The following RBFOX3 variants were observed in gnomAD, a reference collection of about 807,000 sequenced individuals.
The protein encoded by RBFOX3 is RNA binding fox-1 homolog 3, also known as RNA binding protein fox-1 homolog 3.
A neutral mutation model predicts 48.7 loss-of-function variants in RBFOX3; 17 were observed. The ratio of observed to expected loss-of-function variants is 0.35; its 90% CI spans 0.24 to 0.52. The LOEUF (loss-of-function observed/expected upper bound fraction) is 0.52. RBFOX3 is among the 20% of genes least tolerant of loss of function. The pLI is 0.94. For synonymous variants in RBFOX3, 212 were observed against 209.5 expected, an observed-to-expected ratio of 1.01 and a Z score of -0.10; for missense variants, 382 against 497.5, an observed-to-expected ratio of 0.77 and a Z score of 2.21.
intron 2 of RBFOX3, among the ~76,000 whole-genome samples, chr17:79,440,793 C>T (rs190848328): frequency 6.6e-6 from 1 of 152,194 alleles, no homozygotes; most frequent in East Asian, 1.9e-4. Flanking sequence ...GGCCCCCCTG[C>T]ACCCCCTCAT....
Position 79,587,822 on chromosome 17 carries a change from C to T in RBFOX3, c.-320+23004G>A, listed in dbSNP as rs1000906483. On this transcript the variant is annotated intron_variant, in intron 1 of 14. Coordinates refer to ENST00000693108, the MANE Select transcript of RBFOX3 (RefSeq NM_001350451.2). ...CGGGGAAGCAGACGGAGCTACTTCA[C>T]GGGAGGACGGAACATTTGAGTTGGG... is the stretch of plus-strand genomic sequence containing the variant. Among the ~76,000 whole-genome samples, 36 of 152,260 alleles carry T rather than the reference C, an allele frequency of 2.4e-4. No individual in the cohort carries two copies. In the East Asian group the frequency reaches 4.3e-3, roughly 18 times the overall value.
At chr17:79,514,892 T>C (rs2085024795) in intron 1 of RBFOX3, among the ~76,000 whole-genome samples, 1 of 152,192 alleles carries the variant, frequency 6.6e-6, no homozygotes, top group Non-Finnish European at 1.5e-5. Flanking sequence ...TCTTGGGACT[T>C]GGTGGGACAG....
At chr17:79,378,137 C>T (rs954329843) in intron 2 of RBFOX3, among the ~76,000 whole-genome samples, 2 of 152,126 alleles carry the variant, frequency 1.3e-5, no homozygotes, top group African/African-American at 4.8e-5. Flanking sequence ...ATAGGGGGGG[C>T]GCATCAGGGG....
chr17:79,373,961 C>G (rs918439991), intron 2 of RBFOX3, among the ~76,000 whole-genome samples: 12 of 152,154 alleles, frequency 7.9e-5, no homozygotes, highest in Admixed American at 7.9e-4. Flanking sequence ...AGGGTTCAAG[C>G]GATTCTCCTG....
Position 79,214,447 on chromosome 17 carries a change from C to A in RBFOX3, c.-34+21319G>T, listed in dbSNP as rs1168359265. Reference sequence around the variant, plus strand: ...TCTTCTTGAGAAAAGTGATGCAAAGCCCTTTGGATCAGTGTGACTGGGAGG... The same window carrying A: ...TCTTCTTGAGAAAAGTGATGCAAAGACCTTTGGATCAGTGTGACTGGGAGG... On this transcript the variant is annotated intron_variant, in intron 4 of 14. Transcript: ENST00000693108. The surrounding 1 kb of genome is among the most constrained non-coding windows in gnomAD (Gnocchi z 4.7). Among the ~76,000 whole-genome samples the A allele has an allele frequency of 6.6e-6, 1 of 152,128 alleles. No homozygotes were observed. Among genetic ancestry groups the A allele is most frequent in the Non-Finnish European group, 1.5e-5 (1 of 68,030 alleles).
At position 79,327,149 on chromosome 17, in the gene RBFOX3, C is replaced by T. The variant is rs148441482; in HGVS notation, c.-174-19325G>A. On this transcript the variant is annotated intron_variant, in intron 2 of 14. Coordinates refer to ENST00000693108, the MANE Select transcript of RBFOX3 (RefSeq NM_001350451.2). ...GGCTGGGTACCCCCCACACCTTCCC[C>T]ACAAGGCTCTCCCTCTGTGGTTCCA... is the stretch of plus-strand genomic sequence containing the variant. 2.0e-5 allele frequency among the ~76,000 whole-genome samples: 3 copies of T among 152,380 alleles called. No homozygotes were observed. The East Asian group carries it at 5.8e-4, about 29-fold the overall frequency.
At chr17:79,515,304 G>A (rs1465518039) in intron 1 of RBFOX3, among the ~76,000 whole-genome samples, 2 of 152,154 alleles carry the variant, frequency 1.3e-5, no homozygotes, top group Admixed American at 6.5e-5. Flanking sequence ...GGTGTGCAGT[G>A]CCCAGCCTAC....
chr17:79,372,673 A>AGGGGC (rs1403693087), intron 2 of RBFOX3, among the ~76,000 whole-genome samples: 2 of 152,056 alleles, frequency 1.3e-5, no homozygotes, highest in African/African-American at 4.8e-5. Context: ...CCCCACCCAC[A>AGGGGC]GGGGCAGGGC....
chr17:79,225,970 G>A (rs1250251306), intron 4 of RBFOX3, among the ~76,000 whole-genome samples: 1 of 152,098 alleles, frequency 6.6e-6, no homozygotes, highest in Non-Finnish European at 1.5e-5. Context: ...AGAGGAGGGG[G>A]CTGCAGTGTT....
In RBFOX3 at chr17:79,371,031, C is replaced by T. The variant is rs576463070; in HGVS notation, c.-174-63207G>A. On this transcript the variant is annotated intron_variant, in intron 2 of 14. Transcript: ENST00000693108. ...GTTAGGGAGGGAAGGGGGACATGCACGGCAGGGGACTTGGGGAGGCATGCA... is the reference window on the plus strand; with the variant it reads ...GTTAGGGAGGGAAGGGGGACATGCATGGCAGGGGACTTGGGGAGGCATGCA... 1.2e-4 allele frequency among the ~76,000 whole-genome samples: 19 copies of T among 152,200 alleles called. No homozygotes were observed. In the South Asian group the frequency reaches 2.1e-3, roughly 17 times the overall value.
chr17:79,335,309 A>G (rs1354737152), intron 2 of RBFOX3, among the ~76,000 whole-genome samples: 1 of 152,160 alleles, frequency 6.6e-6, no homozygotes, highest in Non-Finnish European at 1.5e-5. Flanking sequence ...AGTCTGGGGG[A>G]CCTGCATGTG....
intron 4 of RBFOX3, among the ~76,000 whole-genome samples, chr17:79,121,192 C>T (rs963943852): frequency 6.6e-6 from 1 of 152,158 alleles, no homozygotes; most frequent in Admixed American, 6.5e-5. Context: ...GAGCATCGTG[C>T]TCCCAGACAT....
At chr17:79,653,659 C>T in the RBFOX3 span, among the ~76,000 whole-genome samples, 5 of 152,130 alleles carry the variant, frequency 3.3e-5, no homozygotes, top group African/African-American at 1.2e-4. Context: ...GAAGAAACAG[C>T]TAGCAGTAGA....
chr17:79,640,872 A>G, the RBFOX3 span, among the ~76,000 whole-genome samples: 90 of 152,298 alleles, frequency 5.9e-4, no homozygotes, highest in African/African-American at 2.1e-3. Flanking sequence ...CATAGGGAAA[A>G]AAACTTCTTA....
intron 2 of RBFOX3, among the ~76,000 whole-genome samples, chr17:79,346,796 T>G (rs2082999401): frequency 6.6e-6 from 1 of 152,242 alleles, no homozygotes; most frequent in Non-Finnish European, 1.5e-5. Flanking sequence ...AAAATTAAAT[T>G]AAAATTAAAT....
intron 8 of RBFOX3, among the ~76,000 whole-genome samples, chr17:79,102,080 C>T (rs1340703465): frequency 1.3e-5 from 2 of 152,178 alleles, no homozygotes; most frequent in South Asian, 2.1e-4. Flanking sequence ...CTGGATGATG[C>T]CCCCCTCCCC....
intron 1 of RBFOX3, among the ~76,000 whole-genome samples, chr17:79,566,629 G>A (rs2092464286): frequency 6.6e-6 from 1 of 152,236 alleles, no homozygotes; most frequent in Admixed American, 6.5e-5. Flanking sequence ...GGCTGTGCTG[G>A]GTCCCCAACA....
intron 2 of RBFOX3, among the ~76,000 whole-genome samples, chr17:79,427,223 TC>T (rs1408265707): frequency 1.3e-5 from 2 of 152,090 alleles, no homozygotes; most frequent in Non-Finnish European, 2.9e-5. Flanking sequence ...TCCCAATCTG[TC>T]CGGGGAAGCA....
chr17:79,143,880 C>A (rs7210741), intron 4 of RBFOX3, among the ~76,000 whole-genome samples: 30,256 of 152,264 alleles, frequency 0.2, 3,335 homozygotes, highest in Middle Eastern at 0.27. Flanking sequence ...CCAGGACACC[C>A]CAGTGGAGGG....
Sources: allele counts gnomAD v4.1 joint callset (sites outside exome capture counted in the v4.1 genomes callset), GRCh38; gene constraint gnomAD v4.1.1; non-coding constraint Gnocchi (gnomAD v3.1); transcripts MANE v1.5; gene names NCBI Gene and HGNC (gene_info 2026-07-23, HGNC 2026-07-21).